Variants in PLCB4 observed in about 807,000 individuals in gnomAD.
The protein encoded by PLCB4 is 1-phosphatidylinositol 4,5-bisphosphate phosphodiesterase beta-4.
Under a neutral mutation model 178.8 loss-of-function variants are expected in PLCB4, and 77 were observed. The observed-to-expected ratio is 0.43, with a 90% confidence interval of 0.36 to 0.52. The LOEUF is 0.52. Ranked by LOEUF, PLCB4 falls within the 20% of genes least tolerant of loss-of-function variation. The pLI, the probability that PLCB4 is intolerant of heterozygous loss-of-function variation, is 0.00. For missense variants in PLCB4, 1,024 were observed against 1,453.4 expected (o/e 0.70, Z 4.80); for synonymous variants, 496 against 490.8 (o/e 1.01, Z -0.14).
chr20:9,143,088 TC>T (rs1399191606), intron 2 of PLCB4, among the ~76,000 whole-genome samples: 1 of 152,144 alleles, frequency 6.6e-6, no homozygotes, highest in Non-Finnish European at 1.5e-5. Flanking sequence ...CTCCTTCAAA[TC>T]TTTGCCAATT....
At chr20:9,465,208 C>G (rs1004773427) in intron 35 of PLCB4, among the ~76,000 whole-genome samples, 1 of 152,136 alleles carries the variant, frequency 6.6e-6, no homozygotes, top group Admixed American at 6.5e-5. Context: ...TCAATAGATG[C>G]AGAAAAGGCC....
In PLCB4 at chr20:9,471,458, A is replaced by G. The variant is rs187706800; in HGVS notation, c.3351-1332A>G. On this transcript the variant is annotated intron_variant, in intron 36 of 39. Transcript: ENST00000378473. ...TTAGGAATGAAAAGGGGAATTAACT[A>G]CAGAGAAAAACGCTTTGAAAAACTA... 2.0e-5 allele frequency among the ~76,000 whole-genome samples: 3 copies of G among 152,322 alleles called. No individual in the cohort carries two copies. The East Asian group carries it at 5.8e-4, about 29-fold the overall frequency.
At chr20:9,473,424 T>A in intron 38 of PLCB4, 59 bp downstream of exon 38, 1 of 936,622 alleles carries the variant, frequency 1.1e-6, no homozygotes, top group South Asian at 1.4e-5. Context: ...GGGATACACA[T>A]GCCATGGCCC....
chr20:9,221,017 C>T (rs903229622), intron 3 of PLCB4, among the ~76,000 whole-genome samples: 14 of 152,094 alleles, frequency 9.2e-5, no homozygotes, highest in African/African-American at 3.1e-4. Flanking sequence ...TGCCAAGAGT[C>T]GTGAGATGAG....
intron 39 of PLCB4, among the ~76,000 whole-genome samples, chr20:9,478,678 A>C (rs2044715913): frequency 6.6e-6 from 1 of 152,140 alleles, no homozygotes; most frequent in African/African-American, 2.4e-5. Flanking sequence ...GTGTATAAAA[A>C]CTTCCTGGAG....
chr20:9,317,980 T>C (rs1278844555), intron 4 of PLCB4, among the ~76,000 whole-genome samples: 3 of 151,762 alleles, frequency 2.0e-5, no homozygotes, highest in Non-Finnish European at 4.4e-5. Flanking sequence ...GCACCTGTAA[T>C]CCCAGCTGAA....
chr20:9,435,655 A>T lies in PLCB4; in HGVS notation c.2613+7A>T, dbSNP rs1350343124. The T allele has an allele frequency of 2.0e-6, 3 of 1,530,736 alleles. No homozygotes were observed. The highest frequency in any genetic ancestry group is 2.7e-6 in the Non-Finnish European group (3 of 1,106,314). 94.8% of individuals were successfully genotyped at this position (1,530,736 alleles called of 1,614,324 possible). A position where few individuals can be genotyped will look rare whatever the true frequency, so the allele number is the denominator to read the frequency against. ...AGCTATGGGCATTGAAACTGTAAGT[A>T]GAAATGGTTGATTAAAGGTGGCCAA... On this transcript the variant is annotated splice_region_variant and intron_variant, in intron 29 of 39. Transcript: ENST00000378473.
intron 2 of PLCB4, among the ~76,000 whole-genome samples, chr20:9,199,057 T>C (rs1040941967): frequency 1.3e-5 from 2 of 152,210 alleles, no homozygotes; most frequent in African/African-American, 4.8e-5. Flanking sequence ...ACTCTTAACA[T>C]GGTGTGAGGA....
In PLCB4 at chr20:9,214,814, C is replaced by T. The variant is rs552840168; in HGVS notation, c.-78-2576C>T. Reference sequence around the variant, plus strand: ...ACAAATTGCTTATACTGCTTAACTTCTTTGTAGTTAAGTATTTCAACATTG... The same window carrying T: ...ACAAATTGCTTATACTGCTTAACTTTTTTGTAGTTAAGTATTTCAACATTG... On this transcript the variant is annotated intron_variant, in intron 2 of 39. Coordinates refer to ENST00000378473, the MANE Select transcript of PLCB4 (RefSeq NM_001377142.1). Among the ~76,000 whole-genome samples the T allele has an allele frequency of 3.2e-3, 482 of 152,238 alleles. 4 individuals are homozygous for T. Among genetic ancestry groups the T allele is most frequent in the African/African-American group, 0.011 (466 of 41,536 alleles).
intron 2 of PLCB4, among the ~76,000 whole-genome samples, chr20:9,168,496 C>T (rs1030052307): frequency 2.0e-5 from 3 of 152,170 alleles, no homozygotes; most frequent in South Asian, 2.1e-4. Context: ...CTTTAATGTG[C>T]GTGTGAATCA....
At chr20:9,149,771 T>C (rs2092660076) in intron 2 of PLCB4, among the ~76,000 whole-genome samples, 1 of 152,190 alleles carries the variant, frequency 6.6e-6, no homozygotes, top group Non-Finnish European at 1.5e-5. Flanking sequence ...TGTCTCAATA[T>C]GAGTTTCCTG....
intron 19 of PLCB4, among the ~76,000 whole-genome samples, chr20:9,396,236 G>T (rs1319639140): frequency 2.6e-5 from 4 of 152,254 alleles, no homozygotes; most frequent in Middle Eastern, 3.4e-3. Context: ...GGCACATTTT[G>T]TAATCCCTTT....
chr20:9,144,720 AGG>A lies in PLCB4; in HGVS notation c.-79+48381_-79+48382del, dbSNP rs1568831635. On this transcript the variant is annotated intron_variant, in intron 2 of 39. Transcript: ENST00000378473. The stretch of plus-strand genomic sequence containing the variant: ...GGGAAGGAGGGGAAGAAGGGGAAGA[AGG>A]GGAAGGAGGGGAAGGAGGGGAAGGA... Among the ~76,000 whole-genome samples the A allele has an allele frequency of 7.6e-3, 40 of 5,250 alleles. 1 individual carries two copies. Among genetic ancestry groups the A allele is most frequent in the Admixed American group, 0.035 (8 of 230 alleles). The allele number at this position is 5,250 out of a possible 152,430, so 3.4% of individuals were successfully genotyped here.
At chr20:9,331,429 A>C (rs2031630488) in intron 4 of PLCB4, among the ~76,000 whole-genome samples, 3 of 152,182 alleles carry the variant, frequency 2.0e-5, no homozygotes. Flanking sequence ...AGACATTTGC[A>C]GTTAACTTAG....
rs920385798 is a variant in PLCB4, at chr20:9,439,927, A to C, written c.2764+2775A>C. 2.0e-5 allele frequency among the ~76,000 whole-genome samples: 3 copies of C among 152,230 alleles called. No homozygotes were observed. In the South Asian group the frequency reaches 6.2e-4, roughly 31 times the overall value. ...AAGTAAGCATCTATTATAGCTCATGAGGTTGTCTGGGTGGCTTTTCTGGTT... is the reference window on the plus strand; with the variant it reads ...AAGTAAGCATCTATTATAGCTCATGCGGTTGTCTGGGTGGCTTTTCTGGTT... On this transcript the variant is annotated intron_variant, in intron 30 of 39. Coordinates refer to ENST00000378473, the MANE Select transcript of PLCB4 (RefSeq NM_001377142.1).
intron 1 of PLCB4, among the ~76,000 whole-genome samples, 170 bp from the exon 2 acceptor site, chr20:9,096,117 T>C (rs956309469): frequency 6.6e-6 from 1 of 152,154 alleles, no homozygotes; most frequent in African/African-American, 2.4e-5. Context: ...CTGTAAAATG[T>C]TTTATGTAGA....
chr20:9,447,027 G>A (rs948466124), intron 32 of PLCB4, among the ~76,000 whole-genome samples: 2 of 152,164 alleles, frequency 1.3e-5, no homozygotes, highest in South Asian at 2.1e-4. Context: ...TCCATATGAC[G>A]TGTTTATCCT....
At chr20:9,241,619 TAGG>T (rs2094063230) in intron 3 of PLCB4, among the ~76,000 whole-genome samples, 1 of 152,056 alleles carries the variant, frequency 6.6e-6, no homozygotes, top group Admixed American at 6.6e-5. Context: ...GCAATGGAAA[TAGG>T]AGGCTTTAAG....
chr20:9,254,811 T>C (rs1427330600), intron 3 of PLCB4, among the ~76,000 whole-genome samples: 1 of 152,210 alleles, frequency 6.6e-6, no homozygotes, highest in African/African-American at 2.4e-5. Flanking sequence ...GGGATGTTTA[T>C]TGCAAATGGT....
Sources: gnomAD v4.1 joint callset for allele counts (sites outside exome capture counted in the v4.1 genomes callset) on GRCh38, gnomAD v4.1.1 for gene constraint, MANE v1.5 for transcripts, NCBI Gene and HGNC (gene_info 2026-07-23, HGNC 2026-07-21) for gene names.